Variants in TRIP4 observed in about 807,000 individuals in gnomAD.
TRIP4 encodes activating signal cointegrator 1.
TRIP4 carries 54 observed loss-of-function variants against 81.8 expected under a neutral mutation model. That is an observed-to-expected ratio of 0.66 (90% confidence interval 0.53 to 0.83). The LOEUF is 0.83. Among genes scored for constraint, TRIP4 ranks in the 40% least tolerant of loss-of-function variants. The pLI is 0.00. For synonymous variants in TRIP4, 270 were observed against 242.8 expected (o/e 1.11, Z -1.04); for missense variants, 662 against 683.6 (o/e 0.97, Z 0.35).
chr15:64,394,105 C>CA lies in TRIP4; in HGVS notation c.267dup (p.Asp90ArgfsTer2), dbSNP rs1431861368. The CA allele has an allele frequency of 1.3e-6, 2 of 1,588,342 alleles. No individual in the cohort carries two copies. The highest frequency in any genetic ancestry group is 1.7e-6 in the Non-Finnish European group (2 of 1,168,112). On this transcript the variant is annotated frameshift_variant, in exon 2 of 13. Coordinates refer to ENST00000261884, the MANE Select transcript of TRIP4 (RefSeq NM_016213.5). LOFTEE classifies it high-confidence loss of function. ...TTTCGGATCCTTTGCAGCAGTGCTT[C>CA]AAAAAAGATGGTAAGTTAATGTAAT...
chr15:64,391,370 T>C (rs1434508955), intron 1 of TRIP4, among the ~76,000 whole-genome samples: 1 of 151,780 alleles, frequency 6.6e-6, no homozygotes, highest in African/African-American at 2.4e-5. Context: ...TTGGCCAGGA[T>C]GGTCTCGGTC....
Position 64,451,180 on chromosome 15 carries a change from T to C in TRIP4, c.1679-3817T>C, listed in dbSNP as rs142928662. On this transcript the variant is annotated intron_variant, in intron 12 of 12. Transcript: ENST00000261884. ...CAGGCTGGCATGCACTGGTGAGATCTCAGCTCACTGCAACCTCTGCCTCCT... is the reference window on the plus strand; with the variant it reads ...CAGGCTGGCATGCACTGGTGAGATCCCAGCTCACTGCAACCTCTGCCTCCT... Among the ~76,000 whole-genome samples the C allele has an allele frequency of 1.1e-3, 169 of 152,230 alleles. 3 individuals carry two copies. The East Asian group carries it at 0.03, about 27-fold the overall frequency.
At chr15:64,425,203 A>G (rs369386804) in intron 10 of TRIP4, among the ~76,000 whole-genome samples, 73 of 152,168 alleles carry the variant, frequency 4.8e-4, no homozygotes, top group African/African-American at 1.7e-3. Flanking sequence ...TTTGCTTCCA[A>G]AACTCATCAC....
intron 11 of TRIP4, among the ~76,000 whole-genome samples, chr15:64,439,631 C>A (rs1003713789): frequency 6.1e-5 from 9 of 146,398 alleles, no homozygotes; most frequent in African/African-American, 2.3e-4. Flanking sequence ...TCAGGTGATC[C>A]TCTTGCCTCA....
chr15:64,400,768 T>C lies in TRIP4; in HGVS notation c.644T>C (p.Ile215Thr), dbSNP rs764363211. 1.9e-6 allele frequency: 3 copies of C among 1,614,028 alleles called. No individual in the cohort carries two copies. The highest frequency in any genetic ancestry group is 1.7e-6 in the Non-Finnish European group (2 of 1,179,960). ...GTGTGTACTCATGAGGAACAAGATA[T>C]TTTACAGCGTGACTCAAACAAGAGC... ...TLVCTHEEQD[I>T]LQRDSNKSQK... is the part of the protein sequence containing the mutation. The change falls in exon 5 of 13, where the codon ATT becomes ACT. Residue 215 changes from isoleucine to threonine, a missense_variant. Ile to Thr is a moderately conservative substitution (Grantham distance 89). Coordinates refer to ENST00000261884, the MANE Select transcript of TRIP4 (RefSeq NM_016213.5).
At chr15:64,397,926 A>G (rs1900341692) in intron 4 of TRIP4, 108 bp downstream of exon 4, 2 of 1,246,520 alleles carry the variant, frequency 1.6e-6, no homozygotes, top group Non-Finnish European at 2.2e-6. Flanking sequence ...GTTGAGACGG[A>G]GTCTCACTTT....
chr15:64,410,024 GTTTTT>G (rs200868565), intron 7 of TRIP4, among the ~76,000 whole-genome samples, 196 bp downstream of exon 7: 1 of 133,862 alleles, frequency 7.5e-6, no homozygotes, highest in African/African-American at 2.7e-5. Context: ...TTGTGGTTTG[GTTTTT>G]TTTTTTTTTT....
chr15:64,417,662 C>G (rs896457599), intron 8 of TRIP4, among the ~76,000 whole-genome samples: 6 of 152,204 alleles, frequency 3.9e-5, no homozygotes, highest in African/African-American at 1.4e-4. Context: ...GATGGGAGCC[C>G]TGTTTTAGTA....
rs751016510 is a variant in TRIP4 at position 64,397,659 on chromosome 15, C to T, written c.459C>T (p.Tyr153=). ...AGAAGACAAAGTTTGTCAATTTATA[C>T]ACAAGAGAGGGACAGGACAGGCTTG... The part of the protein sequence containing the change: ...VKKKTKFVNL[Y]TREGQDRLAV... The change falls in exon 4 of 13, where the codon TAC becomes TAT. Residue 153 remains tyrosine (Y), a synonymous_variant. Coordinates refer to ENST00000261884, the MANE Select transcript of TRIP4 (RefSeq NM_016213.5). The T allele has an allele frequency of 3.1e-6, 5 of 1,614,154 alleles. No individual in the cohort carries two copies. The East Asian group carries it at 6.7e-5, about 22-fold the overall frequency.
At position 64,445,025 on chromosome 15, in the gene TRIP4, A is replaced by T. The variant is rs1892593204; in HGVS notation, c.1595A>T (p.Glu532Val). The change falls in exon 12 of 13, where the codon GAG (glutamate) becomes GTG (valine). Residue 532 changes from glutamate to valine, a missense_variant. Coordinates refer to ENST00000261884, the MANE Select transcript of TRIP4 (RefSeq NM_016213.5). ...TCACAGTTTCCAGACATCAGTCAAG[A>T]GTCTGATTCTCCATTTGTTTTCATC... ...FKEQFPDISQ[E>V]SDSPFVFICK... 20 of 1,586,086 alleles carry T rather than the reference A, an allele frequency of 1.3e-5. No homozygotes were observed. The highest frequency in any genetic ancestry group is 1.7e-5 in the Admixed American group (1 of 58,640).
rs973285982 is a variant in TRIP4 at position 64,416,499 on chromosome 15, G to T, written c.1171-2042G>T. ...GCATTTTGGGAGGCTGAGGAAGGAGGATCACTTGAAGCCAGGAGGTCAAGA... is the reference window on the plus strand; with the variant it reads ...GCATTTTGGGAGGCTGAGGAAGGAGTATCACTTGAAGCCAGGAGGTCAAGA... On this transcript the variant is annotated intron_variant, in intron 8 of 12. Coordinates refer to ENST00000261884, the MANE Select transcript of TRIP4 (RefSeq NM_016213.5). Among the ~76,000 whole-genome samples the T allele has an allele frequency of 2.6e-5, 4 of 152,224 alleles. No homozygotes were observed. In the East Asian group the frequency reaches 7.7e-4, roughly 29 times the overall value.
intron 11 of TRIP4, among the ~76,000 whole-genome samples, chr15:64,433,984 A>G (rs1451303615): frequency 6.6e-6 from 1 of 152,136 alleles, no homozygotes; most frequent in Non-Finnish European, 1.5e-5. Context: ...CAATTCTTCC[A>G]GCGTGGCCCA....
intron 1 of TRIP4, among the ~76,000 whole-genome samples, chr15:64,391,877 A>G (rs946515288): frequency 6.7e-6 from 1 of 148,256 alleles, no homozygotes; most frequent in African/African-American, 2.5e-5. Flanking sequence ...AGGCTGAGGC[A>G]GGAGAATTTC....
intron 12 of TRIP4, among the ~76,000 whole-genome samples, chr15:64,453,232 C>T (rs1376317926): frequency 6.6e-6 from 1 of 152,118 alleles, no homozygotes; most frequent in African/African-American, 2.4e-5. Context: ...GTCTGGAGTC[C>T]TAGATGGAAT....
chr15:64,435,471 A>G (rs1188945399), intron 11 of TRIP4, among the ~76,000 whole-genome samples: 1 of 149,976 alleles, frequency 6.7e-6, no homozygotes, highest in Admixed American at 6.7e-5. Flanking sequence ...GGTTGCAGTG[A>G]GCCGAGATCG....
intron 6 of TRIP4, 70 bp downstream of exon 6, chr15:64,406,529 A>G (rs369611193): frequency 3.9e-6 from 6 of 1,546,740 alleles, no homozygotes; most frequent in Admixed American, 1.9e-5. Flanking sequence ...TTATTTTGGT[A>G]CTTGATACCT....
At chr15:64,423,157 A>G (rs920844982) in intron 9 of TRIP4, among the ~76,000 whole-genome samples, 1 of 152,126 alleles carries the variant, frequency 6.6e-6, no homozygotes, top group African/African-American at 2.4e-5. Context: ...CTCAAAGAAA[A>G]CCCCAAATAC....
At chr15:64,402,861 TTTAG>T (rs1020895070) in intron 5 of TRIP4, among the ~76,000 whole-genome samples, 32 of 151,002 alleles carry the variant, frequency 2.1e-4, no homozygotes, top group South Asian at 8.4e-4. Context: ...TTATTATTTA[TTTAG>T]TTAGTTAGTT....
At chr15:64,422,263 A>G (rs1174192718) in intron 9 of TRIP4, among the ~76,000 whole-genome samples, 3 of 152,214 alleles carry the variant, frequency 2.0e-5, no homozygotes, top group African/African-American at 7.2e-5. Flanking sequence ...ATATGAAGCT[A>G]GGTGATGACA....
Sources: gnomAD v4.1 joint callset for allele counts (sites outside exome capture counted in the v4.1 genomes callset) on GRCh38, gnomAD v4.1.1 for gene constraint, MANE v1.5 for transcripts, NCBI Gene and HGNC (gene_info 2026-07-23, HGNC 2026-07-21) for gene names.